The following FBXL5 variants were observed in gnomAD, a reference collection of about 807,000 sequenced individuals.
FBXL5 encodes the protein F-box and leucine rich repeat protein 5.
Under a neutral mutation model 78.3 loss-of-function variants are expected in FBXL5, and 26 were observed. The ratio of observed to expected loss-of-function variants is 0.33; its 90% confidence interval spans 0.24 to 0.46. FBXL5 has a LOEUF of 0.46. Among genes scored for constraint, FBXL5 ranks in the 20% least tolerant of loss-of-function variants. The pLI, the probability that FBXL5 is intolerant of heterozygous loss-of-function variation, is 1.00. For missense variants in FBXL5, 710 were observed against 829.2 expected (o/e 0.86, Z 1.77); for synonymous variants, 295 against 282.5 (o/e 1.04, Z -0.45).
At chr4:15,622,399 A>G (rs1436762975) in intron 9 of FBXL5, among the ~76,000 whole-genome samples, 1 of 152,226 alleles carries the variant, frequency 6.6e-6, no homozygotes, top group Non-Finnish European at 1.5e-5. Flanking sequence ...GCTTCTAAAA[A>G]TTAAATTTTT....
intron 9 of FBXL5, among the ~76,000 whole-genome samples, chr4:15,612,993 A>G (rs989723301): frequency 2.6e-5 from 4 of 152,244 alleles, no homozygotes; most frequent in Admixed American, 2.6e-4. Context: ...AATGTGGTAC[A>G]TCCATACAAT....
chr4:15,628,902 A>T (rs1713350143), intron 6 of FBXL5, among the ~76,000 whole-genome samples: 1 of 152,034 alleles, frequency 6.6e-6, no homozygotes, highest in Non-Finnish European at 1.5e-5. Context: ...CACTATCTAA[A>T]TGTATACTAT....
chr4:15,618,039 A>G (rs2148547455), intron 9 of FBXL5, among the ~76,000 whole-genome samples: 1 of 152,348 alleles, frequency 6.6e-6, no homozygotes, highest in East Asian at 1.9e-4. Context: ...GCAGGAGGGG[A>G]AACAATAAAG....
At chr4:15,676,113 T>C (rs980395929) in intron 1 of FBXL5, among the ~76,000 whole-genome samples, 12 of 152,208 alleles carry the variant, frequency 7.9e-5, no homozygotes, top group African/African-American at 2.9e-4. Context: ...AGAGGAGATA[T>C]GACTACAGAG....
At position 15,625,962 on chromosome 4, in the gene FBXL5, A is replaced by G; in HGVS notation, c.1140T>C (p.Gly380=). The change falls in exon 9 of 11, where the codon GGT becomes GGC. Residue 380 remains glycine, a synonymous_variant. Coordinates refer to ENST00000341285, the MANE Select transcript of FBXL5 (RefSeq NM_012161.4). Reference sequence around the variant, plus strand: ...CAAGATGCCGAAGACTCTGGCAGCAACCAAGCCAAGACCAACTATAATTAA... The same window carrying G: ...CAAGATGCCGAAGACTCTGGCAGCAGCCAAGCCAAGACCAACTATAATTAA... ...DSAFDSWSWL[G]CCQSLRHLDL... 6.3e-7 allele frequency: 1 copy of G among 1,583,256 alleles called. No individual in the cohort carries two copies. The highest frequency in any genetic ancestry group is 8.6e-7 in the Non-Finnish European group (1 of 1,169,360).
intron 5 of FBXL5, among the ~76,000 whole-genome samples, chr4:15,633,702 T>C (rs1052021595): frequency 1.3e-5 from 2 of 152,182 alleles, no homozygotes; most frequent in African/African-American, 2.4e-5. Flanking sequence ...GAAGTGATTC[T>C]TGTGCCTCAG....
chr4:15,655,765 G>A (rs1716858594), upstream of FBXL5, among the ~76,000 whole-genome samples: 1 of 152,182 alleles, frequency 6.6e-6, no homozygotes, highest in South Asian at 2.1e-4. Context: ...CTTGGCCTGG[G>A]TGACCAATGC....
At chr4:15,651,254 A>G (rs1313593116) in intron 1 of FBXL5, among the ~76,000 whole-genome samples, 4 of 152,216 alleles carry the variant, frequency 2.6e-5, no homozygotes, top group Non-Finnish European at 4.4e-5. Flanking sequence ...AGAGCTACCA[A>G]TAAGTAGCAG....
At position 15,635,376 on chromosome 4, in the gene FBXL5, CT is replaced by C. The variant is rs572375950; in HGVS notation, c.766+1117del. Among the ~76,000 whole-genome samples, 83 of 151,540 alleles carry C rather than the reference CT, an allele frequency of 5.5e-4. No homozygotes were observed. In the South Asian group the frequency reaches 8.8e-3, roughly 16 times the overall value. ...TACATTATTATAATGAATAAAATTG[CT>C]TTTAAATCAGACTCATGATTTAAAT... is the stretch of plus-strand genomic sequence containing the variant. On this transcript the variant is annotated intron_variant, in intron 5 of 10. Coordinates refer to ENST00000341285, the MANE Select transcript of FBXL5 (RefSeq NM_012161.4).
upstream of FBXL5, among the ~76,000 whole-genome samples, chr4:15,664,756 A>C (rs555235803): frequency 1.1e-4 from 17 of 151,640 alleles, no homozygotes; most frequent in East Asian, 3.3e-3. Flanking sequence ...GCGAGGTTTC[A>C]CCATGTTGGC....
intron 1 of FBXL5, 34 bp downstream of exon 1, chr4:15,655,170 A>ACCG: frequency 7.3e-7 from 1 of 1,362,214 alleles, no homozygotes; most frequent in East Asian, 3.5e-5. Flanking sequence ...CGCCGCCCGC[A>ACCG]CCGCCCACAG....
At chr4:15,639,988 C>G (rs1048363064) in intron 3 of FBXL5, among the ~76,000 whole-genome samples, 2 of 152,068 alleles carry the variant, frequency 1.3e-5, no homozygotes, top group Non-Finnish European at 2.9e-5. Flanking sequence ...ACGTTTTGCC[C>G]ATTCATTCAA....
At chr4:15,613,474 G>A (rs1031119499) in intron 9 of FBXL5, among the ~76,000 whole-genome samples, 1 of 152,036 alleles carries the variant, frequency 6.6e-6, no homozygotes, top group Admixed American at 6.5e-5. Context: ...TAAATCTCTA[G>A]GAAGGCCAGA....
In FBXL5 at chr4:15,679,496, G is replaced by C. The variant is rs144941905; in HGVS notation, c.-284+1887C>G. Among the ~76,000 whole-genome samples, 19 of 148,718 alleles carry C rather than the reference G, an allele frequency of 1.3e-4. No homozygotes were observed. In the East Asian group the frequency reaches 3.0e-3, roughly 24 times the overall value. On this transcript the variant is annotated intron_variant, in intron 1 of 4. Coordinates refer to the FBXL5 transcript ENST00000507899. ...GGAAGCACAGATTTTGATCACAAGA[G>C]ATTTTGATTTTTCTAAATATCCTTG... is the stretch of plus-strand genomic sequence containing the variant.
rs1200550218 is a variant in FBXL5, at chr4:15,612,378, C to A, written c.1887G>T (p.Glu629Asp). 6.2e-7 allele frequency: 1 copy of A among 1,611,732 alleles called. No individual in the cohort carries two copies. The change falls in exon 10 of 11, where the codon GAG (glutamate) becomes GAT (aspartate). Residue 629 changes from glutamate to aspartate, a missense_variant. This residue lies in a region of FBXL5 where 58 missense variants were observed against 112.3 expected (regional missense o/e 0.52). Transcript: ENST00000341285. ...TAAGACAACCAGAGAGATTAAGGTGCTCCAAATAAGGCAGCCCTCCTCCCA... is the reference window on the plus strand; with the variant it reads ...TAAGACAACCAGAGAGATTAAGGTGATCCAAATAAGGCAGCCCTCCTCCCA... Reference protein sequence around the residue: ...LTLGGGLPYLEHLNLSGCLTI... With the variant: ...LTLGGGLPYLDHLNLSGCLTI...
rs1034775848 is a variant in FBXL5 at position 15,625,552 on chromosome 4, G to A, written c.1550C>T (p.Thr517Ile). The change falls in exon 9 of 11, where the codon ACC becomes ATC. Residue 517 changes from threonine (T) to isoleucine (I), a missense_variant. Transcript: ENST00000341285. Reference sequence around the variant, plus strand: ...AATGTCCTTACTAAAACAACCAGAGGTGGAACAACTAAAGTTGGATGCTGT... The same window carrying A: ...AATGTCCTTACTAAAACAACCAGAGATGGAACAACTAAAGTTGGATGCTGT... ...METASNFSCS[T>I]SGCFSKDIVG... 3.1e-6 allele frequency: 5 copies of A among 1,614,040 alleles called. No homozygotes were observed. The Admixed American group carries it at 8.3e-5, about 27-fold the overall frequency.
chr4:15,648,378 T>C (rs1016956289), intron 1 of FBXL5, among the ~76,000 whole-genome samples: 14 of 152,320 alleles, frequency 9.2e-5, no homozygotes, highest in African/African-American at 3.1e-4. Context: ...ATCCCATTCC[T>C]GAGTATATGT....
At chr4:15,644,347 TA>T (rs1376700224) in intron 2 of FBXL5, 145 bp downstream of exon 2, 1 of 664,174 alleles carries the variant, frequency 1.5e-6, no homozygotes, top group Non-Finnish European at 2.5e-6. Context: ...TCTTTTTAAA[TA>T]GTCTTCCTTG....
intron 1 of FBXL5, among the ~76,000 whole-genome samples, chr4:15,668,042 T>TA (rs36082259): frequency 2.7e-3 from 356 of 132,372 alleles, no homozygotes; most frequent in Middle Eastern, 7.7e-3. Context: ...ACTCTATCTC[T>TA]AAAAAAAAAA....
Sources: allele counts gnomAD v4.1 joint callset (sites outside exome capture counted in the v4.1 genomes callset), GRCh38; gene constraint gnomAD v4.1.1; regional missense constraint gnomAD v4.1.1; transcripts MANE v1.5; gene names NCBI Gene and HGNC (gene_info 2026-07-23, HGNC 2026-07-21).